Variants in SLC60A1 observed in about 807,000 individuals in gnomAD.
SLC60A1 encodes the protein major facilitator superfamily domain containing 4.
the SLC60A1 span, among the ~76,000 whole-genome samples, chr1:205,594,225 G>A: frequency 1.3e-5 from 2 of 152,138 alleles, no homozygotes; most frequent in African/African-American, 2.4e-5. Context: ...GAGGGCCCAG[G>A]AGCCCTCAGA....
At chr1:205,575,964 T>G in the SLC60A1 span, among the ~76,000 whole-genome samples, 2 of 152,178 alleles carry the variant, frequency 1.3e-5, no homozygotes, top group Non-Finnish European at 2.9e-5. Flanking sequence ...GCCAAGACTT[T>G]GGATCCTGGC....
the SLC60A1 span, chr1:205,592,315 G>A: frequency 8.8e-6 from 14 of 1,596,132 alleles, no homozygotes; most frequent in South Asian, 7.8e-5. Context: ...GCCAGGAGGC[G>A]CGCTCTATCT....
At chr1:205,596,668 G>A in the SLC60A1 span, among the ~76,000 whole-genome samples, 4 of 151,578 alleles carry the variant, frequency 2.6e-5, no homozygotes, top group Non-Finnish European at 4.4e-5. Flanking sequence ...TGAGAGTTAC[G>A]GAGGGTGGAG....
chr1:205,593,294 C>A, the SLC60A1 span, among the ~76,000 whole-genome samples: 2 of 151,652 alleles, frequency 1.3e-5, no homozygotes, highest in East Asian at 1.9e-4. Flanking sequence ...CACGCTGAAA[C>A]CCCGTCTCTA....
At chr1:205,569,337 C>T in the SLC60A1 span, 2 of 1,405,206 alleles carry the variant, frequency 1.4e-6, no homozygotes, top group Non-Finnish European at 1.9e-6. Flanking sequence ...CCCGCGGCCC[C>T]CGGCACCCAC....
chr1:205,584,122 AG>A, the SLC60A1 span: 1 of 1,612,358 alleles, frequency 6.2e-7, no homozygotes, highest in Non-Finnish European at 8.5e-7. Context: ...AGTCACACCT[AG>A]GTAGGGGCTC....
At chr1:205,597,373 G>GTTTTTTGTTTTTTTTT in the SLC60A1 span, among the ~76,000 whole-genome samples, 2 of 37,228 alleles carry the variant, frequency 5.4e-5, 1 homozygote, top group African/African-American at 1.3e-4. Context: ...AACCTAGGTT[G>GTTTTTTGTTTTTTTTT]TTTTTTTTTT....
chr1:205,584,825 G>A, the SLC60A1 span: 2 of 1,544,620 alleles, frequency 1.3e-6, no homozygotes, highest in Non-Finnish European at 1.8e-6. Flanking sequence ...ACATGCAGAG[G>A]GAGGGAGCAG....
the SLC60A1 span, chr1:205,597,515 A>G: frequency 2.7e-5 from 8 of 299,452 alleles, no homozygotes; most frequent in Non-Finnish European, 5.2e-5. Context: ...TAGCCTCCCA[A>G]GTAGCTGGGA....
chr1:205,574,198 G>A, the SLC60A1 span, among the ~76,000 whole-genome samples: 1 of 151,590 alleles, frequency 6.6e-6, no homozygotes, highest in Non-Finnish European at 1.5e-5. Flanking sequence ...TGTAATTCCA[G>A]CACTTTGGGA....
At chr1:205,600,237 C>T in the SLC60A1 span, 3 of 588,244 alleles carry the variant, frequency 5.1e-6, no homozygotes, top group Non-Finnish European at 9.0e-6. Context: ...AGGAAACTGC[C>T]TCCACCAACT....
the SLC60A1 span, chr1:205,599,379 A>C: frequency 1.7e-6 from 2 of 1,195,540 alleles, no homozygotes; most frequent in Non-Finnish European, 2.3e-6. Flanking sequence ...AAATGCAAGG[A>C]AATGTTTATT....
chr1:205,583,839 C>T, the SLC60A1 span: 3 of 1,353,790 alleles, frequency 2.2e-6, no homozygotes, highest in East Asian at 7.2e-5. Flanking sequence ...AGCTGGGCAC[C>T]CTTAGAAAAG....
At chr1:205,583,606 G>A in the SLC60A1 span, among the ~76,000 whole-genome samples, 5 of 152,290 alleles carry the variant, frequency 3.3e-5, no homozygotes, top group East Asian at 1.9e-4. Flanking sequence ...AAAGCATCAC[G>A]CAACCCACCA....
At chr1:205,569,359 C>T in the SLC60A1 span, 1 of 1,252,604 alleles carries the variant, frequency 8.0e-7, no homozygotes, top group South Asian at 1.8e-5. Flanking sequence ...CTCGCCGGGC[C>T]GACCCTTCCC....
At chr1:205,583,899 C>A in the SLC60A1 span, 221 of 1,575,324 alleles carry the variant, frequency 1.4e-4, 2 homozygotes, top group South Asian at 2.4e-3. Context: ...AGAGGCCAGG[C>A]GTGGGAAGGG....
At chr1:205,572,325 T>G in the SLC60A1 span, among the ~76,000 whole-genome samples, 7 of 152,144 alleles carry the variant, frequency 4.6e-5, no homozygotes, top group African/African-American at 1.7e-4. Context: ...GGCGTCAGCA[T>G]AGGTAAACAA....
the SLC60A1 span, chr1:205,579,786 C>T: frequency 1.2e-6 from 2 of 1,614,080 alleles, no homozygotes; most frequent in African/African-American, 2.7e-5. Context: ...TTCACCTCCT[C>T]TCTGGCCATC....
the SLC60A1 span, among the ~76,000 whole-genome samples, chr1:205,591,017 A>G: frequency 1.3e-5 from 2 of 152,224 alleles, no homozygotes; most frequent in Non-Finnish European, 2.9e-5. Context: ...TAAAAAACAC[A>G]TCGGGACTTC....
Sources: gnomAD v4.1 joint callset for allele counts (sites outside exome capture counted in the v4.1 genomes callset) on GRCh38, gnomAD v4.1.1 for gene constraint, MANE v1.5 for transcripts, NCBI Gene and HGNC (gene_info 2026-07-23, HGNC 2026-07-21) for gene names.